Variants in UBR1 observed in about 807,000 individuals in gnomAD.
The protein encoded by UBR1 is E3 ubiquitin-protein ligase UBR1.
In UBR1, 102 loss-of-function variants were observed where a neutral mutation model predicts 242.1. The observed-to-expected ratio is 0.42, with a 90% confidence interval of 0.36 to 0.50. The LOEUF is 0.50. UBR1 is among the 20% of genes least tolerant of loss of function. UBR1 has a pLI of 0.01. For missense variants in UBR1, 1,772 were observed against 2,101.8 expected (o/e 0.84, Z 3.07); for synonymous variants, 675 against 684.8 (o/e 0.99, Z 0.22).
In UBR1 at chr15:43,058,364, G is replaced by GT; in HGVS notation, c.1158dup (p.Leu387ThrfsTer11). On this transcript the variant is annotated frameshift_variant, in exon 10 of 47. Transcript: ENST00000290650. LOFTEE classifies it high-confidence loss of function. The stretch of plus-strand genomic sequence containing the variant: ...ACCTTCACAAATTCCATAGCAAAGA[G>GT]TTTTTTGTATTCCATCTCCATAAAA... The GT allele has an allele frequency of 6.2e-7, 1 of 1,609,252 alleles. No homozygotes were observed. Among genetic ancestry groups the GT allele is most frequent in the African/African-American group, 1.3e-5 (1 of 74,926 alleles).
intron 44 of UBR1, among the ~76,000 whole-genome samples, chr15:42,954,675 T>A (rs1246741699): frequency 6.6e-6 from 1 of 152,100 alleles, no homozygotes; most frequent in Admixed American, 6.5e-5. Context: ...GAAGTGACTC[T>A]CGTGCCTCAG....
At position 42,945,191 on chromosome 15, in the gene UBR1, T is replaced by C; in HGVS notation, c.*138A>G. On this transcript the variant is annotated 3_prime_UTR_variant, in exon 47 of 47. Transcript: ENST00000290650. Reference sequence around the variant, plus strand: ...GAAAGCAATACTCCATTAAGAAATATTTTATTGATGTAAGTGAACCTGGAC... The same window carrying C: ...GAAAGCAATACTCCATTAAGAAATACTTTATTGATGTAAGTGAACCTGGAC... 2 of 1,161,030 alleles carry C rather than the reference T, an allele frequency of 1.7e-6. No individual in the cohort carries two copies. Among genetic ancestry groups the C allele is most frequent in the African/African-American group, 1.5e-5 (1 of 65,022 alleles). The allele number at this position is 1,161,030 out of a possible 1,614,324, so 71.9% of individuals were successfully genotyped here.
At chr15:43,102,852 T>C (rs1449844220) in intron 1 of UBR1, among the ~76,000 whole-genome samples, 2 of 152,206 alleles carry the variant, frequency 1.3e-5, no homozygotes, top group Non-Finnish European at 2.9e-5. Context: ...TGTGTATATA[T>C]ATGCACACAT....
chr15:43,002,815 A>T, intron 31 of UBR1, 111 bp from the exon 32 acceptor site: 1 of 1,351,016 alleles, frequency 7.4e-7, no homozygotes, highest in Non-Finnish European at 1.0e-6. Context: ...TTGCCCCAAT[A>T]AACATCTTTA....
Position 43,038,202 on chromosome 15 carries a change from G to A in UBR1, c.1880C>T (p.Ala627Val). 2.5e-6 allele frequency: 4 copies of A among 1,614,064 alleles called. No homozygotes were observed. Among genetic ancestry groups the A allele is most frequent in the Non-Finnish European group, 3.4e-6 (4 of 1,179,990 alleles). Residue 627 changes from alanine to valine, a missense_variant, in exon 16 of 47, where the codon GCT becomes GTT. By Grantham distance (64) the Ala-to-Val change is moderately conservative. Transcript: ENST00000290650. ...GLHVRLSRLG[A>V]VSRLHEFVSF... ...CACAAATTCATGCAGTCTTGAAACAGCACCCAGCCTGCTTAAACGTACATG... is the reference window on the plus strand; with the variant it reads ...CACAAATTCATGCAGTCTTGAAACAACACCCAGCCTGCTTAAACGTACATG...
At position 42,970,621 on chromosome 15, in the gene UBR1, T is replaced by C; in HGVS notation, c.4370-14A>G. ...CAAGGGGTAGGCCTGAAAAAGAAAT[T>C]CTGCAAGATGAATTATGTATTTGCT... On this transcript the variant is annotated splice_polypyrimidine_tract_variant and intron_variant, in intron 39 of 46. Coordinates refer to ENST00000290650, the MANE Select transcript of UBR1 (RefSeq NM_174916.3). The C allele has an allele frequency of 6.2e-7, 1 of 1,609,254 alleles. No individual in the cohort carries two copies. Among genetic ancestry groups the C allele is most frequent in the Non-Finnish European group, 8.5e-7 (1 of 1,176,332 alleles).
Position 42,960,669 on chromosome 15 carries a change from A to C in UBR1, c.4733T>G (p.Leu1578Trp), listed in dbSNP as rs2032000106. ...WCADPALLNC[L>W]KQKNTVVRYP... ...CCTGACCACGGTGTTTTTTTGCTTC[A>C]AACAGTTTAGTAAGGCAGGATCTGC... Residue 1578 changes from leucine to tryptophan, a missense_variant, in exon 43 of 47, where the codon TTG (leucine) becomes TGG (tryptophan). Leu to Trp is a moderately conservative substitution (Grantham distance 61). Around this residue, in one of 3 missense-constraint regions of UBR1, gnomAD observed 965 missense variants for 1,079.7 expected, o/e 0.89. Coordinates refer to ENST00000290650, the MANE Select transcript of UBR1 (RefSeq NM_174916.3). The C allele has an allele frequency of 3.7e-6, 6 of 1,614,064 alleles. No homozygotes were observed. The highest frequency in any genetic ancestry group is 5.1e-6 in the Non-Finnish European group (6 of 1,179,934).
At chr15:42,966,114 C>T in intron 41 of UBR1, 39 bp downstream of exon 41, 1 of 1,613,826 alleles carries the variant, frequency 6.2e-7, no homozygotes, top group Middle Eastern at 1.7e-4. Context: ...CAAAGAAAAT[C>T]TCCCATTTTC....
chr15:43,021,243 C>T (rs368459649), intron 27 of UBR1, 32 bp downstream of exon 27: 28 of 1,583,924 alleles, frequency 1.8e-5, no homozygotes, highest in Non-Finnish European at 2.2e-5. Flanking sequence ...ATATTTAAAC[C>T]AAGATATGAT....
At chr15:43,061,043 G>C (rs1033501267) in intron 6 of UBR1, among the ~76,000 whole-genome samples, 1 of 152,078 alleles carries the variant, frequency 6.6e-6, no homozygotes, top group African/African-American at 2.4e-5. Context: ...CAGCTTGTAT[G>C]TATGTGATGC....
rs764829010 is a variant in UBR1, at chr15:43,060,155, A to C, written c.799-41T>G. 3.8e-6 allele frequency: 6 copies of C among 1,578,412 alleles called. No individual in the cohort carries two copies. The South Asian group carries it at 6.6e-5, about 17-fold the overall frequency. ...AGTGAGAATTAGGTAGTGAAATGAT[A>C]ACCACAATCAATAAGCAATATGTAG... is the stretch of plus-strand genomic sequence containing the variant. On this transcript the variant is annotated intron_variant, in intron 6 of 46. Transcript: ENST00000290650.
chr15:42,964,621 T>C (rs769486186), intron 41 of UBR1, among the ~76,000 whole-genome samples: 1 of 152,184 alleles, frequency 6.6e-6, no homozygotes, highest in Non-Finnish European at 1.5e-5. Context: ...AAGGTCCCTA[T>C]CGTGGCCCAA....
rs745413064 is a variant in UBR1, at chr15:43,075,094, T to TAAAGGAA, written c.418-12_418-6dup. On this transcript the variant is annotated splice_polypyrimidine_tract_variant and splice_region_variant and intron_variant, in intron 3 of 46. Coordinates refer to ENST00000290650, the MANE Select transcript of UBR1 (RefSeq NM_174916.3). ...TCCTCCAGTAGAAGTATGCATCTGA[T>TAAAGGAA]AAAGGAAAAATGAGTTTGTCTTGAT... 7 of 1,604,670 alleles carry TAAAGGAA rather than the reference T, an allele frequency of 4.4e-6. No homozygotes were observed. In the Admixed American group the frequency reaches 6.7e-5, roughly 15 times the overall value.
intron 1 of UBR1, among the ~76,000 whole-genome samples, chr15:43,093,193 G>T (rs890348440): frequency 6.6e-6 from 1 of 152,160 alleles, no homozygotes; most frequent in Admixed American, 6.5e-5. Context: ...TTTCAACTCT[G>T]ACCCAACAGC....
intron 30 of UBR1, among the ~76,000 whole-genome samples, chr15:43,006,720 A>G (rs1213595502): frequency 1.3e-5 from 2 of 152,254 alleles, no homozygotes; most frequent in African/African-American, 4.8e-5. Flanking sequence ...ATAAATTCAG[A>G]ATGTGACACA....
chr15:43,011,017 T>G (rs1488400118), intron 29 of UBR1, among the ~76,000 whole-genome samples: 1 of 151,234 alleles, frequency 6.6e-6, no homozygotes, highest in East Asian at 1.9e-4. Context: ...ACTATGTAAT[T>G]AAAATTTTAG....
chr15:43,063,405 G>A (rs58481731), intron 6 of UBR1, among the ~76,000 whole-genome samples: 13 of 152,218 alleles, frequency 8.5e-5, no homozygotes, highest in Non-Finnish European at 1.5e-4. Flanking sequence ...AGAGTCCTAC[G>A]ATCATGATAG....
chr15:43,082,713 A>G lies in UBR1; in HGVS notation c.342T>C (p.Asp114=), dbSNP rs1448730176. The change falls in exon 3 of 47, where the codon GAT becomes GAC. Residue 114 remains aspartate (D), a synonymous_variant. Coordinates refer to ENST00000290650, the MANE Select transcript of UBR1 (RefSeq NM_174916.3). ...KSGETTYSCR[D]CAIDPTCVLC... is the part of the protein sequence containing the mutation. ...GTACACATGTTGGATCAATTGCACA[A>G]TCCCTGAAAAAGATCAGAAATCAGA... 1 of 1,613,642 alleles carries G rather than the reference A, an allele frequency of 6.2e-7. No homozygotes were observed. Among genetic ancestry groups the G allele is most frequent in the Non-Finnish European group, 8.5e-7 (1 of 1,179,682 alleles).
chr15:42,963,994 A>G lies in UBR1; in HGVS notation c.4641T>C (p.Pro1547=), dbSNP rs1399102033. The G allele has an allele frequency of 6.2e-7, 1 of 1,613,670 alleles. No homozygotes were observed. Among genetic ancestry groups the G allele is most frequent in the Admixed American group, 1.7e-5 (1 of 60,020 alleles). ...CCTGGAAGAGCAGGAACAAATTTGT[A>G]GGTAAAGATAGATAGCTACAGAGTG... ...YSALCSYLSL[P]TNLFLLFQEY... Residue 1547 remains proline (P), a synonymous_variant, in exon 42 of 47, where the codon CCT becomes CCC. Transcript: ENST00000290650.
Sources: gnomAD v4.1 joint callset for allele counts (sites outside exome capture counted in the v4.1 genomes callset) on GRCh38, gnomAD v4.1.1 for gene constraint, gnomAD v4.1.1 regional missense constraint, MANE v1.5 for transcripts, NCBI Gene and HGNC (gene_info 2026-07-23, HGNC 2026-07-21) for gene names.